MVB12B: variants seen among roughly 807,000 people sequenced by gnomAD.
The protein encoded by MVB12B is multivesicular body subunit 12B.
MVB12B carries 16 observed loss-of-function variants against 41.6 expected under a neutral mutation model. The ratio of observed to expected loss-of-function variants is 0.38; its 90% CI spans 0.26 to 0.58. The LOEUF is 0.58. MVB12B is among the 20% of genes least tolerant of loss of function. The probability of loss-of-function intolerance (pLI) is 0.62; values close to 1 mark genes in which losing one functional copy is unlikely to be tolerated. For missense variants in MVB12B, 274 were observed against 380.2 expected (o/e 0.72, Z 2.32); for synonymous variants, 133 against 139.7 (o/e 0.95, Z 0.34).
intron 7 of MVB12B, among the ~76,000 whole-genome samples, chr9:126,430,425 A>G (rs1033572787): frequency 2.6e-5 from 4 of 152,036 alleles, no homozygotes; most frequent in Non-Finnish European, 5.9e-5. Context: ...GCCACTCCCA[A>G]GCTGCCTCTC....
intron 1 of MVB12B, among the ~76,000 whole-genome samples, chr9:126,330,304 T>TACACACACAC (rs142849542): frequency 7.4e-5 from 11 of 148,192 alleles, no homozygotes; most frequent in Non-Finnish European, 1.3e-4. Flanking sequence ...TTTCTTTCTT[T>TACACACACAC]ACACACACAC....
chr9:126,387,870 G>T (rs1235136554), intron 4 of MVB12B, among the ~76,000 whole-genome samples: 1 of 152,194 alleles, frequency 6.6e-6, no homozygotes, highest in Admixed American at 6.5e-5. Flanking sequence ...CTTAGCCAAG[G>T]TCATGCATCT....
chr9:126,419,350 C>T (rs773168029), intron 6 of MVB12B, among the ~76,000 whole-genome samples: 6 of 152,222 alleles, frequency 3.9e-5, no homozygotes, highest in Middle Eastern at 3.2e-3. Flanking sequence ...ACACAAAGCC[C>T]TGTGCTCAGA....
At chr9:126,413,322 G>A (rs1831705895) in intron 6 of MVB12B, among the ~76,000 whole-genome samples, 1 of 152,168 alleles carries the variant, frequency 6.6e-6, no homozygotes, top group African/African-American at 2.4e-5. Flanking sequence ...GGCAAGCTGT[G>A]GAGCCTCTCT....
At position 126,386,185 on chromosome 9, in the gene MVB12B, A is replaced by G. The variant is rs1274538153; in HGVS notation, c.313-377A>G. Among the ~76,000 whole-genome samples the G allele has an allele frequency of 2.0e-5, 3 of 152,192 alleles. No individual in the cohort carries two copies. The highest frequency in any genetic ancestry group is 4.1e-4 in the South Asian group (2 of 4,826). ...TGCAGCTCTTTCCTACGAGTGCCTC[A>G]GGAATTTGCTCTTCCTAAAACCTCC... On this transcript the variant is annotated intron_variant, in intron 3 of 9. Coordinates refer to ENST00000361171, the MANE Select transcript of MVB12B (RefSeq NM_033446.3). The surrounding 1 kb of genome is among the most constrained non-coding windows in gnomAD (Gnocchi z 4.3).
chr9:126,347,161 G>A (rs1164992840), intron 2 of MVB12B, among the ~76,000 whole-genome samples: 4 of 152,030 alleles, frequency 2.6e-5, no homozygotes, highest in Non-Finnish European at 4.4e-5. Context: ...GGGGCTGGCT[G>A]ATGAGGCAGG....
intron 5 of MVB12B, among the ~76,000 whole-genome samples, chr9:126,394,695 T>G (rs1831053674): frequency 6.6e-6 from 1 of 152,212 alleles, no homozygotes; most frequent in African/African-American, 2.4e-5. Context: ...TGCAGTTCAT[T>G]GGAATCACTC....
At chr9:126,500,954 T>C (rs1011973067) in intron 9 of MVB12B, among the ~76,000 whole-genome samples, 5 of 152,202 alleles carry the variant, frequency 3.3e-5, no homozygotes, top group African/African-American at 1.2e-4. Context: ...CCCCCTCCTC[T>C]GCTACCTTGG....
intron 7 of MVB12B, among the ~76,000 whole-genome samples, chr9:126,442,287 G>A (rs1027542071): frequency 6.6e-6 from 1 of 152,150 alleles, no homozygotes; most frequent in Non-Finnish European, 1.5e-5. Flanking sequence ...ATGGTTCTTT[G>A]TATCTTCTGG....
At chr9:126,452,487 T>C (rs1289383276) in intron 7 of MVB12B, among the ~76,000 whole-genome samples, 1 of 152,138 alleles carries the variant, frequency 6.6e-6, no homozygotes, top group East Asian at 1.9e-4. Flanking sequence ...GTCCATTTGG[T>C]GATTTGGGGG....
rs997593323 is a variant in MVB12B at position 126,506,048 on chromosome 9, T to C, written c.*2785T>C. On this transcript the variant is annotated 3_prime_UTR_variant, in exon 10 of 10. Transcript: ENST00000361171. ...AAAGGCCTTGGAAATGGCACAAAGGTGATAAGGAGCAGGTGCTTTGCTGCA... is the reference window on the plus strand; with the variant it reads ...AAAGGCCTTGGAAATGGCACAAAGGCGATAAGGAGCAGGTGCTTTGCTGCA... 2 of 152,154 alleles carry C rather than the reference T, an allele frequency of 1.3e-5. No individual in the cohort carries two copies. Among genetic ancestry groups the C allele is most frequent in the Admixed American group, 6.5e-5 (1 of 15,274 alleles). 9.4% of individuals were successfully genotyped at this position (152,154 alleles called of 1,614,324 possible).
chr9:126,381,374 C>T (rs76416304), intron 3 of MVB12B, among the ~76,000 whole-genome samples: 6,798 of 152,166 alleles, frequency 0.045, 184 homozygotes, highest in Middle Eastern at 0.075. Context: ...CCAAGTGTAC[C>T]GTGAATTCCA....
chr9:126,437,703 C>G (rs528473476), intron 7 of MVB12B, among the ~76,000 whole-genome samples: 1 of 152,170 alleles, frequency 6.6e-6, no homozygotes, highest in African/African-American at 2.4e-5. Context: ...GGCGGGAGTA[C>G]GCTTAGTTTT....
intron 2 of MVB12B, among the ~76,000 whole-genome samples, chr9:126,351,409 CTA>C (rs1829742992): frequency 6.7e-6 from 1 of 150,084 alleles, no homozygotes; most frequent in African/African-American, 2.5e-5. Context: ...ACATCTAGCA[CTA>C]TGTTACCTGT....
chr9:126,477,499 A>C (rs1833444979), intron 7 of MVB12B, among the ~76,000 whole-genome samples: 1 of 152,264 alleles, frequency 6.6e-6, no homozygotes, highest in Non-Finnish European at 1.5e-5. Context: ...TCACAGTTCC[A>C]CATGGCTGGG....
intron 7 of MVB12B, among the ~76,000 whole-genome samples, chr9:126,423,271 TGGCTACACCCA>T (rs1412946048): frequency 6.6e-6 from 1 of 152,200 alleles, no homozygotes; most frequent in Non-Finnish European, 1.5e-5. Flanking sequence ...CCACAGCGTT[TGGCTACACCCA>T]CTTTACCTGT....
intron 6 of MVB12B, among the ~76,000 whole-genome samples, chr9:126,409,812 G>A (rs1354201015): frequency 6.6e-6 from 1 of 152,154 alleles, no homozygotes; most frequent in East Asian, 1.9e-4. Flanking sequence ...CCAGTTCTGC[G>A]ATAATTTGAT....
Position 126,402,144 on chromosome 9 carries a change from G to A in MVB12B, c.662+6447G>A, listed in dbSNP as rs77496580. Among the ~76,000 whole-genome samples, 1,219 of 152,312 alleles carry A rather than the reference G, an allele frequency of 8.0e-3. 17 individuals carry two copies. The highest frequency in any genetic ancestry group is 0.028 in the African/African-American group (1,148 of 41,558). Reference sequence around the variant, plus strand: ...AGGGGAAGGCTCAGTGCAGAGGATTGGAGTTGAAATCTGTGGTTTCATGTA... The same window carrying A: ...AGGGGAAGGCTCAGTGCAGAGGATTAGAGTTGAAATCTGTGGTTTCATGTA... On this transcript the variant is annotated intron_variant, in intron 6 of 9. Transcript: ENST00000361171.
chr9:126,369,946 C>T (rs571367664), intron 2 of MVB12B, among the ~76,000 whole-genome samples: 1 of 152,268 alleles, frequency 6.6e-6, no homozygotes, highest in South Asian at 2.1e-4. Flanking sequence ...AGCCACCATG[C>T]CCAGCCAGCA....
Sources: gnomAD v4.1 joint callset for allele counts (sites outside exome capture counted in the v4.1 genomes callset) on GRCh38, gnomAD v4.1.1 for gene constraint, Gnocchi (gnomAD v3.1) non-coding constraint, MANE v1.5 for transcripts, NCBI Gene and HGNC (gene_info 2026-07-23, HGNC 2026-07-21) for gene names.